The following RBFOX1 variants were observed in gnomAD, a reference collection of about 807,000 sequenced individuals.
The protein encoded by RBFOX1 is RNA binding protein fox-1 homolog 1.
A neutral mutation model predicts 57.7 loss-of-function variants in RBFOX1; 8 were observed. That is an observed-to-expected ratio of 0.14 (90% CI 0.08 to 0.25). RBFOX1 has a LOEUF of 0.25. Ranked by LOEUF, RBFOX1 falls within the 10% of genes least tolerant of loss-of-function variation. RBFOX1 has a pLI of 1.00. For synonymous variants in RBFOX1, 326 were observed against 222.4 expected (o/e 1.47, Z -4.15); for missense variants, 611 against 548.5 (o/e 1.11, Z -1.14).
chr16:7,071,815 C>T (rs1258503875), intron 4 of RBFOX1, among the ~76,000 whole-genome samples: 1 of 152,118 alleles, frequency 6.6e-6, no homozygotes, highest in Non-Finnish European at 1.5e-5. Context: ...GTCTTCTACA[C>T]ACACACACCT....
At chr16:5,277,415 C>T (rs543577588) in intron 1 of RBFOX1, among the ~76,000 whole-genome samples, 6 of 152,056 alleles carry the variant, frequency 3.9e-5, no homozygotes, top group South Asian at 2.1e-4. Flanking sequence ...ATCCATGTAA[C>T]AAAATACCAC....
chr16:6,531,518 T>A (rs1179545711), intron 2 of RBFOX1, among the ~76,000 whole-genome samples: 1 of 152,204 alleles, frequency 6.6e-6, no homozygotes, highest in African/African-American at 2.4e-5. Context: ...ATTTTTACTT[T>A]TCATAGTTTT....
chr16:5,304,366 A>C (rs1178332291), intron 1 of RBFOX1, among the ~76,000 whole-genome samples: 1 of 152,206 alleles, frequency 6.6e-6, no homozygotes, highest in African/African-American at 2.4e-5. Flanking sequence ...TAATCCTCCC[A>C]TATTTATATC....
intron 10 of RBFOX1, among the ~76,000 whole-genome samples, chr16:7,627,893 G>C: frequency 6.7e-6 from 1 of 150,272 alleles, no homozygotes; most frequent in East Asian, 1.9e-4. Flanking sequence ...TTTTACAAAA[G>C]GTCAAAATCA....
intron 2 of RBFOX1, among the ~76,000 whole-genome samples, chr16:5,537,627 G>A (rs2044751844): frequency 2.0e-5 from 3 of 152,186 alleles, no homozygotes; most frequent in Admixed American, 2.0e-4. Flanking sequence ...GTTGTTCCCA[G>A]CCTGGAGTAG....
chr16:6,664,581 C>G (rs2098720476), intron 3 of RBFOX1, among the ~76,000 whole-genome samples: 1 of 152,154 alleles, frequency 6.6e-6, no homozygotes, highest in African/African-American at 2.4e-5. Flanking sequence ...GTGCGAGAGA[C>G]AGCTGCGCAT....
chr16:7,244,625 C>G (rs1240285924), intron 4 of RBFOX1, among the ~76,000 whole-genome samples: 1 of 152,202 alleles, frequency 6.6e-6, no homozygotes, highest in East Asian at 1.9e-4. Flanking sequence ...GAGTTAGATT[C>G]AGTATTCAAC....
chr16:5,820,732 C>G (rs1483570077), intron 3 of RBFOX1, among the ~76,000 whole-genome samples: 1 of 152,184 alleles, frequency 6.6e-6, no homozygotes, highest in East Asian at 1.9e-4. Context: ...TGAGTGACAC[C>G]GTTCCCCCGT....
intron 2 of RBFOX1, among the ~76,000 whole-genome samples, chr16:6,443,394 A>AT (rs958898964): frequency 2.7e-5 from 4 of 145,794 alleles, no homozygotes; most frequent in Non-Finnish European, 5.9e-5. Context: ...TCATTTTCCC[A>AT]TCCCCCCCAT....
intron 1 of RBFOX1, among the ~76,000 whole-genome samples, chr16:5,453,420 C>G (rs1300490933): frequency 6.6e-6 from 1 of 152,134 alleles, no homozygotes; most frequent in African/African-American, 2.4e-5. Flanking sequence ...ATGGCACACT[C>G]TTAGCATCAC....
intron 3 of RBFOX1, among the ~76,000 whole-genome samples, chr16:6,894,677 A>T (rs1039234938): frequency 6.6e-6 from 1 of 152,196 alleles, no homozygotes; most frequent in African/African-American, 2.4e-5. Flanking sequence ...TAAGAAACTG[A>T]TAGCCTCGAC....
intron 3 of RBFOX1, among the ~76,000 whole-genome samples, chr16:6,940,763 A>AGTGTGTGTGTGTGTGTGTGTGTGT (rs61349150): frequency 8.7e-6 from 1 of 114,420 alleles, no homozygotes; most frequent in African/African-American, 3.5e-5. Context: ...ATGTCCCGCT[A>AGTGTGTGTGTGTGTGTGTGTGTGT]GTGTGTGTGT....
intron 3 of RBFOX1, chr16:6,775,767 G>C (rs970727001): frequency 6.6e-6 from 1 of 152,172 alleles, no homozygotes; most frequent in Non-Finnish European, 1.5e-5. Flanking sequence ...GTGAGAGGAA[G>C]GAACAAGCAT....
chr16:5,655,202 C>T (rs1310446959), intron 3 of RBFOX1, among the ~76,000 whole-genome samples: 1 of 152,212 alleles, frequency 6.6e-6, no homozygotes, highest in East Asian at 1.9e-4. Flanking sequence ...CCATCATATG[C>T]AGAATCTACT....
intron 3 of RBFOX1, among the ~76,000 whole-genome samples, chr16:5,803,583 C>T (rs772099358): frequency 2.6e-5 from 4 of 152,160 alleles, no homozygotes; most frequent in Non-Finnish European, 5.9e-5. Context: ...TTCTCTCACT[C>T]CACAAAGCAC....
chr16:6,524,139 C>T (rs1260072578), intron 2 of RBFOX1, among the ~76,000 whole-genome samples: 1 of 152,152 alleles, frequency 6.6e-6, no homozygotes, highest in Non-Finnish European at 1.5e-5. Flanking sequence ...ATTTCCTCCC[C>T]CGACACTACC....
intron 3 of RBFOX1, among the ~76,000 whole-genome samples, chr16:6,669,837 T>A (rs146069557): frequency 6.6e-6 from 1 of 152,174 alleles, no homozygotes; most frequent in East Asian, 1.9e-4. Context: ...ATGCTCACCA[T>A]GAGCCAGGCA....
At chr16:5,874,773 C>T (rs1389820867) in intron 4 of RBFOX1, among the ~76,000 whole-genome samples, 1 of 152,052 alleles carries the variant, frequency 6.6e-6, no homozygotes, top group Non-Finnish European at 1.5e-5. Context: ...GCAAGACCCT[C>T]TCTCTCCAAA....
At chr16:6,880,929 T>A (rs537356814) in intron 3 of RBFOX1, among the ~76,000 whole-genome samples, 3 of 152,274 alleles carry the variant, frequency 2.0e-5, no homozygotes, top group African/African-American at 7.2e-5. Context: ...CAAAAAGATG[T>A]AAATGCTACA....
Sources: gnomAD v4.1 joint callset for allele counts (sites outside exome capture counted in the v4.1 genomes callset) on GRCh38, gnomAD v4.1.1 for gene constraint, MANE v1.5 for transcripts, NCBI Gene and HGNC (gene_info 2026-07-23, HGNC 2026-07-21) for gene names.